Variants in AGBL3 observed in about 807,000 individuals in gnomAD.
AGBL3 encodes the protein cytosolic carboxypeptidase 3.
Under a neutral mutation model 94.5 loss-of-function variants are expected in AGBL3, and 68 were observed. The observed-to-expected ratio is 0.72, with a 90% CI of 0.59 to 0.88. The LOEUF is 0.88. Among genes scored for constraint, AGBL3 ranks in the 40% least tolerant of loss-of-function variants. The pLI, the probability that AGBL3 is intolerant of heterozygous loss-of-function variation, is 0.00. For synonymous variants in AGBL3, 354 were observed against 370.7 expected (o/e 0.95, Z 0.52); for missense variants, 934 against 1,103.8 (o/e 0.85, Z 2.18).
rs1235600601 is a variant in AGBL3 at position 135,082,057 on chromosome 7, C to T, written c.2110+267C>T. Among the ~76,000 whole-genome samples, 4 of 152,202 alleles carry T rather than the reference C, an allele frequency of 2.6e-5. No homozygotes were observed. In the East Asian group the frequency reaches 5.8e-4, roughly 22 times the overall value. On this transcript the variant is annotated intron_variant, in intron 15 of 16. Transcript: ENST00000436302. ...TTCTGCCCATGACAGGCCCCAGGCT[C>T]ATCCAACCTCTGGTTGACTACACTT...
intron 2 of AGBL3, chr7:134,988,480 T>C (rs2881816): frequency 0.4 from 60,601 of 152,380 alleles, 12,188 homozygotes; most frequent in Middle Eastern, 0.52. Flanking sequence ...AATTCTTTAG[T>C]CTTTTTCTAC....
chr7:135,096,689 C>A (rs1333261737), intron 15 of AGBL3, among the ~76,000 whole-genome samples: 2 of 112,388 alleles, frequency 1.8e-5, no homozygotes, highest in Admixed American at 9.7e-5. Flanking sequence ...AATAGAACAT[C>A]ACCAAAAAAG....
chr7:135,034,612 A>G lies in AGBL3; in HGVS notation c.1021A>G (p.Thr341Ala), dbSNP rs1239027067. 6.4e-7 allele frequency: 1 copy of G among 1,551,682 alleles called. No homozygotes were observed. The highest frequency in any genetic ancestry group is 8.7e-7 in the Non-Finnish European group (1 of 1,146,954). Reference sequence around the variant, plus strand: ...TGCTAGGAACATGGTGTATATTTTAACAATCACTACCCCCTTGAAGAACTC... The same window carrying G: ...TGCTAGGAACATGGTGTATATTTTAGCAATCACTACCCCCTTGAAGAACTC... ...TLARNMVYILTITTPLKNSDS... is the reference protein window; with the variant it reads ...TLARNMVYILAITTPLKNSDS... The change falls in exon 7 of 17, where the codon ACA (threonine) becomes GCA (alanine). Residue 341 changes from threonine (T) to alanine (A), a missense_variant. Thr to Ala is a moderately conservative substitution (Grantham distance 58, BLOSUM62 0). Coordinates refer to ENST00000436302, the MANE Select transcript of AGBL3 (RefSeq NM_178563.4).
At chr7:135,002,472 TTTAG>T (rs938806066) in intron 4 of AGBL3, among the ~76,000 whole-genome samples, 3 of 152,138 alleles carry the variant, frequency 2.0e-5, no homozygotes, top group African/African-American at 7.2e-5. Flanking sequence ...CGTGGCTGGC[TTTAG>T]TTATTCAGTC....
intron 16 of AGBL3, among the ~76,000 whole-genome samples, chr7:135,118,777 T>C (rs1055439448): frequency 2.0e-5 from 3 of 151,754 alleles, no homozygotes; most frequent in Non-Finnish European, 4.4e-5. Flanking sequence ...TAAACACACT[T>C]GGAAGAAATA....
At chr7:135,096,624 G>GATAGATAGATAGATAGATA (rs1585088072) in intron 15 of AGBL3, among the ~76,000 whole-genome samples, 2 of 147,944 alleles carry the variant, frequency 1.4e-5, no homozygotes, top group East Asian at 2.0e-4. Context: ...TAGATAGATA[G>GATAGATAGATAGATAGATA]GGCTATTCTT....
chr7:135,010,412 G>C (rs1286076783), intron 4 of AGBL3: 1 of 178,136 alleles, frequency 5.6e-6, no homozygotes, highest in Non-Finnish European at 1.2e-5. Flanking sequence ...AGACTGAAAA[G>C]CTGTTCTATA....
At chr7:135,003,287 T>C (rs1483651692) in intron 4 of AGBL3, among the ~76,000 whole-genome samples, 1 of 152,100 alleles carries the variant, frequency 6.6e-6, no homozygotes, top group African/African-American at 2.4e-5. Context: ...ATTTATGATA[T>C]ACTAAGCTTT....
chr7:135,050,759 A>G (rs1817801759), intron 11 of AGBL3, among the ~76,000 whole-genome samples: 2 of 152,052 alleles, frequency 1.3e-5, no homozygotes, highest in Admixed American at 1.3e-4. Context: ...CCATTTTAGC[A>G]TGGAATATTT....
At chr7:135,010,118 T>A in intron 4 of AGBL3, 1 of 417,118 alleles carries the variant, frequency 2.4e-6, no homozygotes, top group Non-Finnish European at 4.7e-6. Context: ...AACCTCCACC[T>A]CCCAGGTTCA....
At chr7:135,097,065 T>C (rs1823005550) in intron 15 of AGBL3, among the ~76,000 whole-genome samples, 1 of 152,166 alleles carries the variant, frequency 6.6e-6, no homozygotes, top group African/African-American at 2.4e-5. Flanking sequence ...AACTGGTGAA[T>C]TTGCTTGGGC....
At chr7:135,027,590 T>A (rs1815288536) in intron 5 of AGBL3, among the ~76,000 whole-genome samples, 1 of 151,622 alleles carries the variant, frequency 6.6e-6, no homozygotes, top group African/African-American at 2.4e-5. Context: ...TATTTCAAAT[T>A]TCATTTGTCT....
intron 8 of AGBL3, among the ~76,000 whole-genome samples, chr7:135,042,167 G>A (rs13236977): frequency 0.44 from 66,725 of 151,976 alleles, 15,348 homozygotes; most frequent in East Asian, 0.78. Context: ...CTCATTCCTA[G>A]GTATTTACCC....
intron 15 of AGBL3, among the ~76,000 whole-genome samples, chr7:135,098,225 T>A (rs1444845949): frequency 6.6e-6 from 1 of 152,172 alleles, no homozygotes; most frequent in East Asian, 1.9e-4. Flanking sequence ...TCCCTTTGTA[T>A]CATGGAGGAT....
rs148932819 is a variant in AGBL3 at position 135,010,336 on chromosome 7, T to C, written c.311-6716T>C. 1.7e-4 allele frequency: 38 copies of C among 221,710 alleles called. 1 individual carries two copies. In the East Asian group the frequency reaches 5.9e-3, roughly 34 times the overall value. 13.7% of individuals were successfully genotyped at this position (221,710 alleles called of 1,614,324 possible). On this transcript the variant is annotated intron_variant, in intron 4 of 16. Transcript: ENST00000436302. ...TTTTTTTTTTTTAACATTCTGTATC[T>C]CTTAGCTGACATTGGAAATCTGACC...
chr7:135,121,763 G>A (rs1169845681), intron 16 of AGBL3, among the ~76,000 whole-genome samples: 1 of 152,128 alleles, frequency 6.6e-6, no homozygotes, highest in African/African-American at 2.4e-5. Context: ...CAGAGAGGAA[G>A]AACAGTGTAG....
intron 12 of AGBL3, among the ~76,000 whole-genome samples, chr7:135,070,137 A>C (rs1442948074): frequency 6.6e-6 from 1 of 152,198 alleles, no homozygotes; most frequent in East Asian, 1.9e-4. Context: ...GAAATGGATA[A>C]ATTCCTCGAC....
Position 134,989,291 on chromosome 7 carries a change from TCGGTGTGCACTTTTAA to T in AGBL3, c.107_122del (p.Arg36GlnfsTer18), listed in dbSNP as rs747384168. 1.4e-5 allele frequency: 21 copies of T among 1,548,032 alleles called. No individual in the cohort carries two copies. Among genetic ancestry groups the T allele is most frequent in the Admixed American group, 2.0e-5 (1 of 50,720 alleles). ...TGAAATTTGTAAGTGAAGATCTTCA[TCGGTGTGCACTTTTAA>T]CAGGTTTGAACCTATTCATATAGTT... On this transcript the variant is annotated frameshift_variant, in exon 3 of 17. Transcript: ENST00000436302. LOFTEE classifies it high-confidence loss of function.
Position 135,129,125 on chromosome 7 carries a change from G to A in AGBL3, c.2343-5716G>A. Reference sequence around the variant, plus strand: ...AGGTCAAAGAGCTAGTGGAAGCAGAGTTATTTGCCTATTATGACTGCCTTC... The same window carrying A: ...AGGTCAAAGAGCTAGTGGAAGCAGAATTATTTGCCTATTATGACTGCCTTC... On this transcript the variant is annotated intron_variant, in intron 16 of 16. Coordinates refer to ENST00000436302, the MANE Select transcript of AGBL3 (RefSeq NM_178563.4). 1.9e-6 allele frequency: 3 copies of A among 1,540,610 alleles called. No individual in the cohort carries two copies. In the East Asian group the frequency reaches 6.7e-5, roughly 35 times the overall value.
Sources: gnomAD v4.1 joint callset for allele counts (sites outside exome capture counted in the v4.1 genomes callset) on GRCh38, gnomAD v4.1.1 for gene constraint, MANE v1.5 for transcripts, NCBI Gene and HGNC (gene_info 2026-07-23, HGNC 2026-07-21) for gene names.